The following AGBL1 variants were observed in gnomAD, a reference collection of about 807,000 sequenced individuals.
AGBL1 encodes cytosolic carboxypeptidase 4.
AGBL1 carries 130 observed loss-of-function variants against 118.9 expected under a neutral mutation model. The ratio of observed to expected loss-of-function variants is 1.09; its 90% confidence interval spans 0.95 to 1.26. The LOEUF (loss-of-function observed/expected upper bound fraction) is 1.26. AGBL1 is among the 50% of genes most tolerant of loss of function. The pLI, the probability that AGBL1 is intolerant of heterozygous loss-of-function variation, is 0.00. For synonymous variants in AGBL1, 555 were observed against 478.9 expected, an observed-to-expected ratio of 1.16 and a Z score of -2.08; for missense variants, 1,584 against 1,298.1, an observed-to-expected ratio of 1.22 and a Z score of -3.38.
At chr15:86,803,721 G>T (rs1489786746) in intron 22 of AGBL1, among the ~76,000 whole-genome samples, 1 of 152,112 alleles carries the variant, frequency 6.6e-6, no homozygotes, top group Non-Finnish European at 1.5e-5. Flanking sequence ...GAAGGAAAGA[G>T]ACTGGGAAAG....
chr15:86,418,855 A>T (rs978999747), intron 18 of AGBL1, among the ~76,000 whole-genome samples: 3 of 152,082 alleles, frequency 2.0e-5, no homozygotes, highest in Admixed American at 1.3e-4. Flanking sequence ...TGAAACTGCA[A>T]TTCCTTTGAC....
intron 23 of AGBL1, among the ~76,000 whole-genome samples, chr15:86,937,656 G>C (rs1422362653): frequency 6.6e-6 from 1 of 152,146 alleles, no homozygotes; most frequent in African/African-American, 2.4e-5. Flanking sequence ...TGAGGATGGA[G>C]GATGGAAGGA....
At chr15:86,794,107 C>T (rs901849688) in intron 22 of AGBL1, among the ~76,000 whole-genome samples, 1 of 151,906 alleles carries the variant, frequency 6.6e-6, no homozygotes, top group African/African-American at 2.4e-5. Context: ...AGAAATATAC[C>T]CAAGGAATGG....
chr15:86,261,293 G>A (rs1484386625), intron 9 of AGBL1, among the ~76,000 whole-genome samples: 2 of 152,106 alleles, frequency 1.3e-5, no homozygotes, highest in Non-Finnish European at 2.9e-5. Context: ...ACCACCCTGG[G>A]CCATGGCTGA....
chr15:86,983,932 T>C (rs1185383354), intron 23 of AGBL1, among the ~76,000 whole-genome samples: 1 of 152,210 alleles, frequency 6.6e-6, no homozygotes, highest in Non-Finnish European at 1.5e-5. Context: ...ATACCCACTC[T>C]TCTGTTGCTG....
At chr15:86,493,098 G>T (rs1475970374) in intron 18 of AGBL1, among the ~76,000 whole-genome samples, 1 of 152,136 alleles carries the variant, frequency 6.6e-6, no homozygotes, top group Non-Finnish European at 1.5e-5. Context: ...GGAGGCTGAG[G>T]CAGGAGAATT....
intron 22 of AGBL1, among the ~76,000 whole-genome samples, chr15:86,854,233 T>A (rs1241488702): frequency 1.3e-5 from 2 of 152,220 alleles, no homozygotes; most frequent in Non-Finnish European, 2.9e-5. Context: ...TTTGTATCAC[T>A]GGAGTGGTAA....
chr15:86,921,195 T>C (rs776505087), intron 23 of AGBL1, among the ~76,000 whole-genome samples: 9 of 152,174 alleles, frequency 5.9e-5, no homozygotes, highest in Non-Finnish European at 1.2e-4. Context: ...TCATCTGTGA[T>C]TGGTTAAGCA....
intron 22 of AGBL1, among the ~76,000 whole-genome samples, chr15:86,691,779 T>G (rs1366874406): frequency 1.3e-5 from 2 of 152,158 alleles, no homozygotes; most frequent in African/African-American, 4.8e-5. Flanking sequence ...GGAACATTAT[T>G]GCTAATCCAT....
At chr15:86,237,624 G>C (rs548465833) in intron 6 of AGBL1, among the ~76,000 whole-genome samples, 36 of 152,250 alleles carry the variant, frequency 2.4e-4, no homozygotes, top group African/African-American at 8.4e-4. Context: ...TTGGGGTTTA[G>C]CAAGTACTTC....
At chr15:86,385,134 T>G (rs895406531) in intron 17 of AGBL1, among the ~76,000 whole-genome samples, 1 of 152,214 alleles carries the variant, frequency 6.6e-6, no homozygotes, top group Non-Finnish European at 1.5e-5. Context: ...CCCAAAAGTC[T>G]GATAACTTAG....
chr15:86,437,843 C>A (rs1018785738), intron 18 of AGBL1, among the ~76,000 whole-genome samples: 4 of 152,126 alleles, frequency 2.6e-5, no homozygotes, highest in Admixed American at 2.6e-4. Context: ...CAATTGCCAA[C>A]CAAATGTCAC....
At chr15:86,630,198 C>G (rs909501979) in intron 21 of AGBL1, 3 of 152,264 alleles carry the variant, frequency 2.0e-5, no homozygotes, top group Non-Finnish European at 4.4e-5. Flanking sequence ...TGTTTTGTGT[C>G]TATCCCTCAG....
intron 18 of AGBL1, among the ~76,000 whole-genome samples, chr15:86,443,549 C>T (rs904146944): frequency 1.5e-4 from 23 of 152,056 alleles, no homozygotes; most frequent in African/African-American, 5.3e-4. Context: ...AGAATTTATT[C>T]CTCCTATCTA....
At chr15:86,186,583 T>G (rs201587313) in intron 5 of AGBL1, among the ~76,000 whole-genome samples, 2 of 152,164 alleles carry the variant, frequency 1.3e-5, no homozygotes, top group East Asian at 3.8e-4. Flanking sequence ...CCTGTCAAAA[T>G]GCTTGCTATG....
chr15:86,200,368 C>G (rs1398013367), intron 5 of AGBL1, among the ~76,000 whole-genome samples: 1 of 152,178 alleles, frequency 6.6e-6, no homozygotes, highest in Non-Finnish European at 1.5e-5. Flanking sequence ...CCCAAGTCCA[C>G]TTAATCTTTA....
At chr15:86,524,526 TG>T (rs1402718877) in intron 19 of AGBL1, among the ~76,000 whole-genome samples, 2 of 152,346 alleles carry the variant, frequency 1.3e-5, no homozygotes, top group Non-Finnish European at 2.9e-5. Flanking sequence ...CACTTAGCTC[TG>T]GTGTCCAGGG....
chr15:86,435,082 G>A (rs1008225423), intron 18 of AGBL1, among the ~76,000 whole-genome samples: 3 of 152,274 alleles, frequency 2.0e-5, no homozygotes, highest in South Asian at 2.1e-4. Flanking sequence ...ATACTGAATG[G>A]ACAACTCAGA....
At chr15:86,685,077 T>A (rs74025424) in intron 22 of AGBL1, among the ~76,000 whole-genome samples, 5,977 of 152,192 alleles carry the variant, frequency 0.039, 381 homozygotes, top group African/African-American at 0.13. Context: ...GATATCAAGA[T>A]GTGTGGAAAA....
Sources: allele counts gnomAD v4.1 joint callset (sites outside exome capture counted in the v4.1 genomes callset), GRCh38; gene constraint gnomAD v4.1.1; transcripts MANE v1.5; gene names NCBI Gene and HGNC (gene_info 2026-07-23, HGNC 2026-07-21).